The following HSD17B4 variants were observed in gnomAD, a reference collection of about 807,000 sequenced individuals.
The protein encoded by HSD17B4 is peroxisomal multifunctional enzyme type 2.
HSD17B4 carries 70 observed loss-of-function variants against 101.0 expected under a neutral mutation model. That is an observed-to-expected ratio of 0.69 (90% CI 0.57 to 0.85). The LOEUF is 0.85. Ranked by LOEUF, HSD17B4 falls within the 40% of genes least tolerant of loss-of-function variation. The probability of loss-of-function intolerance (pLI) is 0.00; values close to 1 mark genes in which losing one functional copy is unlikely to be tolerated. For missense variants in HSD17B4, 984 were observed against 892.4 expected (o/e 1.10, Z -1.31); for synonymous variants, 347 against 297.1 (o/e 1.17, Z -1.73).
At chr5:119,513,228 G>A (rs186835713) in intron 16 of HSD17B4, among the ~76,000 whole-genome samples, 2 of 152,296 alleles carry the variant, frequency 1.3e-5, no homozygotes. Flanking sequence ...TTCTCTGAAT[G>A]AAAAGCTTGG....
At chr5:119,475,578 A>C (rs932341858) in intron 4 of HSD17B4, 128 bp from the exon 5 acceptor site, 20 of 723,980 alleles carry the variant, frequency 2.8e-5, no homozygotes, top group Non-Finnish European at 4.3e-5. Context: ...TTTTGAAAGC[A>C]CTCTTTACCT....
rs1168310294 is a variant in HSD17B4, at chr5:119,516,486, T to C, written c.1503+1440T>C. 7.9e-5 allele frequency among the ~76,000 whole-genome samples: 12 copies of C among 152,292 alleles called. No individual in the cohort carries two copies. In the East Asian group the frequency reaches 2.3e-3, roughly 29 times the overall value. On this transcript the variant is annotated intron_variant, in intron 17 of 23. Transcript: ENST00000510025. Reference sequence around the variant, plus strand: ...CAGATGACTAAAACTTTTTGTTAGTTTTAAGGTAGGTTTTAATATTTTGCT... The same window carrying C: ...CAGATGACTAAAACTTTTTGTTAGTCTTAAGGTAGGTTTTAATATTTTGCT...
chr5:119,501,674 C>G (rs957933659), intron 13 of HSD17B4, among the ~76,000 whole-genome samples: 1 of 152,086 alleles, frequency 6.6e-6, no homozygotes, highest in East Asian at 1.9e-4. Flanking sequence ...CGCATTTGTT[C>G]ATTCTTATTC....
At chr5:119,499,589 A>G (rs36201182) in intron 13 of HSD17B4, 36 bp downstream of exon 13, 91 of 1,155,836 alleles carry the variant, frequency 7.9e-5, no homozygotes, top group African/African-American at 3.2e-4. Flanking sequence ...TTGCTTTTCT[A>G]TTTCTGTAAA....
rs554598633 is a variant in HSD17B4 at position 119,497,232 on chromosome 5, A to G, written c.972+586A>G. ...ATTGGGGGGTGTGATGAATCAGGTT[A>G]GCTGCCTGAGTGGTGCTTTAGCCAA... is the stretch of plus-strand genomic sequence containing the variant. On this transcript the variant is annotated intron_variant, in intron 12 of 23. Coordinates refer to ENST00000510025, the MANE Select transcript of HSD17B4 (RefSeq NM_000414.4). Among the ~76,000 whole-genome samples, 5 of 152,262 alleles carry G rather than the reference A, an allele frequency of 3.3e-5. No individual in the cohort carries two copies. In the South Asian group the frequency reaches 8.3e-4, roughly 25 times the overall value.
At chr5:119,499,639 T>TGTGTGTGTGTG in intron 13 of HSD17B4, 86 bp downstream of exon 13, 2 of 756,208 alleles carry the variant, frequency 2.6e-6, no homozygotes. Flanking sequence ...TATGTGTGTG[T>TGTGTGTGTGTG]AGTGTGTGTA....
At chr5:119,520,594 A>G (rs1352284624) in intron 17 of HSD17B4, among the ~76,000 whole-genome samples, 1 of 152,234 alleles carries the variant, frequency 6.6e-6, no homozygotes, top group Non-Finnish European at 1.5e-5. Context: ...GTACAATTGT[A>G]GAACTCATCT....
At chr5:119,514,641 T>C (rs555090907) in intron 16 of HSD17B4, among the ~76,000 whole-genome samples, 3 of 152,216 alleles carry the variant, frequency 2.0e-5, no homozygotes, top group African/African-American at 7.2e-5. Flanking sequence ...TGAATCAATT[T>C]AGATGTGAAT....
At chr5:119,471,953 T>C (rs897278723) in intron 2 of HSD17B4, among the ~76,000 whole-genome samples, 3 of 152,194 alleles carry the variant, frequency 2.0e-5, no homozygotes, top group Non-Finnish European at 4.4e-5. Context: ...CTTATACATT[T>C]GTGTGTCCCT....
intron 16 of HSD17B4, among the ~76,000 whole-genome samples, chr5:119,512,842 A>G (rs1752297210): frequency 6.6e-6 from 1 of 152,168 alleles, no homozygotes; most frequent in Non-Finnish European, 1.5e-5. Flanking sequence ...GACAAGGGAG[A>G]GTGACTGCTG....
chr5:119,484,227 C>T (rs1580578593), intron 8 of HSD17B4, among the ~76,000 whole-genome samples: 1 of 152,038 alleles, frequency 6.6e-6, no homozygotes, highest in South Asian at 2.1e-4. Flanking sequence ...AAAAGCTGTT[C>T]GTTTATTCAA....
chr5:119,485,921 G>C (rs1749575623), intron 8 of HSD17B4, among the ~76,000 whole-genome samples: 1 of 152,160 alleles, frequency 6.6e-6, no homozygotes. Context: ...AATTTAGCCT[G>C]GCTAGGAGGT....
Position 119,474,575 on chromosome 5 carries a change from T to A in HSD17B4, c.280+115T>A, listed in dbSNP as rs533158961. On this transcript the variant is annotated intron_variant, in intron 4 of 23. Coordinates refer to ENST00000510025, the MANE Select transcript of HSD17B4 (RefSeq NM_000414.4). ...TACCTCTTTCCTCATAATCACATTT[T>A]AAAATTTGATTTATAAGTTAATTAT... 72 of 757,656 alleles carry A rather than the reference T, an allele frequency of 9.5e-5. No homozygotes were observed. In the African/African-American group the frequency reaches 1.2e-3, roughly 13 times the overall value. The allele number at this position is 757,656 out of a possible 1,614,324, so 46.9% of individuals were successfully genotyped here.
chr5:119,493,828 G>A lies in HSD17B4; in HGVS notation c.750G>A (p.Glu250=), dbSNP rs1445124637. 1 of 1,612,946 alleles carries A rather than the reference G, an allele frequency of 6.2e-7. No homozygotes were observed. Among genetic ancestry groups the A allele is most frequent in the Non-Finnish European group, 8.5e-7 (1 of 1,179,258 alleles). The change falls in exon 11 of 24, where the codon GAG becomes GAA. Residue 250 remains glutamate (E), a synonymous_variant. Transcript: ENST00000510025. ...GAGWIGKLRW[E]RTLGAIVRQK... ...TGTTTCTATAACCAGTACGCTGGGA[G>A]CGGACTCTTGGAGCTATTGTAAGAC...
chr5:119,466,302 G>A (rs1262948353), intron 2 of HSD17B4, among the ~76,000 whole-genome samples: 1 of 152,164 alleles, frequency 6.6e-6, no homozygotes, highest in African/African-American at 2.4e-5. Context: ...TTGGGTATCA[G>A]TATAATGCCC....
intron 13 of HSD17B4, among the ~76,000 whole-genome samples, chr5:119,500,092 C>G (rs942361830): frequency 8.5e-5 from 13 of 152,086 alleles, no homozygotes; most frequent in Admixed American, 3.3e-4. Flanking sequence ...ATTTGTTGAT[C>G]TGAGCTGAGT....
intron 12 of HSD17B4, among the ~76,000 whole-genome samples, chr5:119,498,768 T>C (rs946721663): frequency 1.1e-4 from 16 of 152,144 alleles, no homozygotes; most frequent in Admixed American, 9.8e-4. Flanking sequence ...TAGTCCCAGC[T>C]ACTCGGGAAG....
chr5:119,491,479 T>A (rs1176332443), intron 9 of HSD17B4, among the ~76,000 whole-genome samples: 2 of 136,538 alleles, frequency 1.5e-5, no homozygotes, highest in Non-Finnish European at 3.2e-5. Context: ...TTTTTTTTTT[T>A]AGGATTTTTC....
chr5:119,536,654 CT>C, intron 23 of HSD17B4, 104 bp downstream of exon 23: 1 of 1,055,230 alleles, frequency 9.5e-7, no homozygotes. Flanking sequence ...AGCCAGGTTT[CT>C]TACAACTCTG....
Sources: allele counts gnomAD v4.1 joint callset (sites outside exome capture counted in the v4.1 genomes callset), GRCh38; gene constraint gnomAD v4.1.1; transcripts MANE v1.5; gene names NCBI Gene and HGNC (gene_info 2026-07-23, HGNC 2026-07-21).